The following VEGFC variants were observed in gnomAD, a reference collection of about 807,000 sequenced individuals.
VEGFC encodes vascular endothelial growth factor C, also known as FLT4 ligand DHM.
VEGFC carries 12 observed loss-of-function variants against 46.1 expected under a neutral mutation model. That is an observed-to-expected ratio of 0.26 (90% CI 0.17 to 0.42). The LOEUF is 0.42. Ranked by LOEUF, VEGFC falls within the 10% of genes least tolerant of loss-of-function variation. The probability of loss-of-function intolerance (pLI) is 1.00; values close to 1 mark genes in which losing one functional copy is unlikely to be tolerated. For synonymous variants in VEGFC, 232 were observed against 195.5 expected (o/e 1.19, Z -1.56); for missense variants, 488 against 529.4 (o/e 0.92, Z 0.77).
chr4:176,757,181 CTTT>C (rs35917364), intron 1 of VEGFC, among the ~76,000 whole-genome samples: 4 of 151,778 alleles, frequency 2.6e-5, no homozygotes, highest in Admixed American at 2.6e-4. Flanking sequence ...CTTATTCATA[CTTT>C]TTTTTCTAGG....
intron 1 of VEGFC, among the ~76,000 whole-genome samples, chr4:176,777,985 G>C (rs950841322): frequency 2.9e-5 from 4 of 136,434 alleles, no homozygotes. Flanking sequence ...CTATTTTATA[G>C]TCAAAATGTG....
At chr4:176,688,587 T>TTCCC (rs35240467) in intron 4 of VEGFC, among the ~76,000 whole-genome samples, 92,967 of 147,070 alleles carry the variant, frequency 0.63, 30,405 homozygotes, top group South Asian at 0.73. Context: ...ACTTCCTTCC[T>TTCCC]TCCCTCCCTC....
chr4:176,738,855 A>C (rs1239199937), intron 1 of VEGFC, among the ~76,000 whole-genome samples: 2 of 151,964 alleles, frequency 1.3e-5, no homozygotes, highest in Non-Finnish European at 2.9e-5. Flanking sequence ...TTTACAAGAA[A>C]AAAAAATCCC....
intron 1 of VEGFC, among the ~76,000 whole-genome samples, chr4:176,733,851 A>G (rs1348738560): frequency 1.3e-5 from 2 of 151,888 alleles, no homozygotes; most frequent in Non-Finnish European, 2.9e-5. Flanking sequence ...CAAAGAAACT[A>G]AAAGGTAAAT....
At chr4:176,730,843 CTATG>C (rs796452815) in intron 1 of VEGFC, among the ~76,000 whole-genome samples, 1 of 152,132 alleles carries the variant, frequency 6.6e-6, no homozygotes, top group South Asian at 2.1e-4. Flanking sequence ...CGAAGTTATT[CTATG>C]TAAGTGATTT....
At chr4:176,711,731 A>G in intron 3 of VEGFC, 81 bp from the exon 4 acceptor site, 2 of 1,430,238 alleles carry the variant, frequency 1.4e-6, no homozygotes, top group Admixed American at 1.8e-5. Flanking sequence ...AGTCCGAAAA[A>G]GAGTGAGATT....
intron 4 of VEGFC, among the ~76,000 whole-genome samples, chr4:176,693,765 T>G (rs1734254906): frequency 7.3e-6 from 1 of 136,928 alleles, no homozygotes; most frequent in Non-Finnish European, 1.5e-5. Flanking sequence ...CCCATCAGAC[T>G]AACAGAGGAT....
At chr4:176,688,247 AT>A (rs1179206399) in intron 4 of VEGFC, among the ~76,000 whole-genome samples, 1 of 152,016 alleles carries the variant, frequency 6.6e-6, no homozygotes, top group Non-Finnish European at 1.5e-5. Context: ...TTGCTTTAAA[AT>A]TTTTTTCCAT....
chr4:176,733,693 C>G (rs1735005117), intron 1 of VEGFC, among the ~76,000 whole-genome samples: 1 of 151,686 alleles, frequency 6.6e-6, no homozygotes, highest in East Asian at 1.9e-4. Flanking sequence ...GGTTATACAA[C>G]TCTAGTTGTC....
chr4:176,762,642 A>G (rs893061595), intron 1 of VEGFC, among the ~76,000 whole-genome samples: 2 of 152,214 alleles, frequency 1.3e-5, no homozygotes, highest in Admixed American at 1.3e-4. Flanking sequence ...AAGTGCATCT[A>G]TCTATTTATC....
chr4:176,757,618 G>T (rs1163070387), intron 1 of VEGFC, among the ~76,000 whole-genome samples: 2 of 150,834 alleles, frequency 1.3e-5, no homozygotes, highest in African/African-American at 4.9e-5. Context: ...AAAAAAAAGT[G>T]CTCTTCATTA....
chr4:176,709,975 A>G (rs1288819026), intron 4 of VEGFC, among the ~76,000 whole-genome samples: 2 of 152,070 alleles, frequency 1.3e-5, no homozygotes, highest in Non-Finnish European at 2.9e-5. Flanking sequence ...AAAATAATCA[A>G]TTGTGTTTAG....
At chr4:176,726,480 A>AC (rs1489804087) in intron 3 of VEGFC, among the ~76,000 whole-genome samples, 1 of 152,094 alleles carries the variant, frequency 6.6e-6, no homozygotes, top group Non-Finnish European at 1.5e-5. Context: ...TTTATAATTT[A>AC]TTTTTTGTTT....
rs532201836 is a variant in VEGFC, at chr4:176,740,370, A to C, written c.148-10624T>G. On this transcript the variant is annotated intron_variant, in intron 1 of 6. Coordinates refer to ENST00000618562, the MANE Select transcript of VEGFC (RefSeq NM_005429.5). ...ATTTATATATAGTTATATATATTCT[A>C]TATATAGTTATATATAACTATATAT... Among the ~76,000 whole-genome samples, 8 of 121,992 alleles carry C rather than the reference A, an allele frequency of 6.6e-5. No individual in the cohort carries two copies. The South Asian group carries it at 1.6e-3, about 24-fold the overall frequency. 80.0% of individuals were successfully genotyped at this position (121,992 alleles called of 152,430 possible). A position where few individuals can be genotyped will look rare whatever the true frequency, so the allele number is the denominator to read the frequency against.
At chr4:176,724,697 C>T (rs150956568) in intron 3 of VEGFC, among the ~76,000 whole-genome samples, 8 of 152,186 alleles carry the variant, frequency 5.3e-5, no homozygotes, top group Admixed American at 2.0e-4. Context: ...AGAGGAAACA[C>T]GATGATGCCC....
At chr4:176,760,557 G>C (rs1178171792) in intron 1 of VEGFC, among the ~76,000 whole-genome samples, 1 of 152,070 alleles carries the variant, frequency 6.6e-6, no homozygotes, top group East Asian at 1.9e-4. Flanking sequence ...TAGTAGGTAA[G>C]AAAGAAATGT....
At chr4:176,770,216 C>T (rs1210225446) in intron 1 of VEGFC, among the ~76,000 whole-genome samples, 1 of 152,114 alleles carries the variant, frequency 6.6e-6, no homozygotes, top group Non-Finnish European at 1.5e-5. Flanking sequence ...AAAAACCAGG[C>T]TAACTTCTTT....
chr4:176,750,430 T>C (rs553623537), intron 1 of VEGFC, among the ~76,000 whole-genome samples: 2 of 151,720 alleles, frequency 1.3e-5, no homozygotes, highest in African/African-American at 4.8e-5. Context: ...AGATACTAAC[T>C]TGAAAAAAAT....
chr4:176,727,731 T>G (rs753153676), intron 3 of VEGFC, 47 bp downstream of exon 3: 3 of 1,546,608 alleles, frequency 1.9e-6, no homozygotes, highest in Admixed American at 3.8e-5. Flanking sequence ...AGTTAAAGCT[T>G]CTGATTAAGG....
Sources: gnomAD v4.1 joint callset for allele counts (sites outside exome capture counted in the v4.1 genomes callset) on GRCh38, gnomAD v4.1.1 for gene constraint, MANE v1.5 for transcripts, NCBI Gene and HGNC (gene_info 2026-07-23, HGNC 2026-07-21) for gene names.